The following NSRP1 variants were observed in gnomAD, a reference collection of about 807,000 sequenced individuals.
NSRP1 encodes the protein coiled-coil domain containing 55.
Under a neutral mutation model 54.7 loss-of-function variants are expected in NSRP1, and 24 were observed. That is an observed-to-expected ratio of 0.44 (90% CI 0.32 to 0.62). The LOEUF (loss-of-function observed/expected upper bound fraction) is 0.62. NSRP1 is among the 20% of genes least tolerant of loss of function. The pLI is 0.06. For synonymous variants in NSRP1, 210 were observed against 213.8 expected, an observed-to-expected ratio of 0.98 and a Z score of 0.15; for missense variants, 596 against 651.2, an observed-to-expected ratio of 0.92 and a Z score of 0.92.
At chr17:30,177,351 C>T (rs902361467) in intron 3 of NSRP1, among the ~76,000 whole-genome samples, 2 of 149,380 alleles carry the variant, frequency 1.3e-5, no homozygotes, top group African/African-American at 5.0e-5. Context: ...CCAGCCAGTG[C>T]GACAGAGCGA....
At chr17:30,157,452 G>C (rs533830897) in intron 2 of NSRP1, among the ~76,000 whole-genome samples, 2 of 152,172 alleles carry the variant, frequency 1.3e-5, no homozygotes, top group South Asian at 4.1e-4. Flanking sequence ...TTATATGTTG[G>C]TATCATTTCA....
intron 1 of NSRP1, 198 bp downstream of exon 1, chr17:30,117,061 G>T: frequency 1.3e-6 from 1 of 781,894 alleles, no homozygotes; most frequent in East Asian, 2.5e-5. Context: ...GAAGTTTGAG[G>T]GAGAAACTTG....
intron 2 of NSRP1, among the ~76,000 whole-genome samples, chr17:30,152,183 C>G (rs1004536932): frequency 1.3e-5 from 2 of 151,844 alleles, no homozygotes; most frequent in African/African-American, 2.4e-5. Flanking sequence ...AGTGCAGTGG[C>G]GCGATCTCGG....
At chr17:30,149,055 T>C (rs935839784) in intron 2 of NSRP1, among the ~76,000 whole-genome samples, 1 of 152,202 alleles carries the variant, frequency 6.6e-6, no homozygotes, top group African/African-American at 2.4e-5. Context: ...TCTCACAAGT[T>C]TTGGCATGTA....
chr17:30,159,490 G>T (rs1299521452), intron 2 of NSRP1, among the ~76,000 whole-genome samples: 1 of 152,044 alleles, frequency 6.6e-6, no homozygotes, highest in Non-Finnish European at 1.5e-5. Context: ...CTTTGGCCAG[G>T]ACTTCCAGTA....
chr17:30,181,596 G>GT (rs1479522333), intron 6 of NSRP1, among the ~76,000 whole-genome samples: 1 of 112,868 alleles, frequency 8.9e-6, no homozygotes. Context: ...TTGTGTGTGT[G>GT]GTTTTTTTTT....
At chr17:30,133,601 A>G (rs1319252726) in intron 2 of NSRP1, among the ~76,000 whole-genome samples, 2 of 152,152 alleles carry the variant, frequency 1.3e-5, no homozygotes, top group African/African-American at 4.8e-5. Context: ...TCAGCCTTTG[A>G]AGCTTTGAAG....
rs570098325 is a variant in NSRP1 at position 30,180,840 on chromosome 17, ATGTCTGTAAAAT to A, written c.509-67_509-56del. The A allele has an allele frequency of 3.7e-3, 3,586 of 981,526 alleles. 75 individuals carry two copies. The African/African-American group carries it at 0.051, about 14-fold the overall frequency. 60.8% of individuals were successfully genotyped at this position (981,526 alleles called of 1,614,324 possible). The stretch of plus-strand genomic sequence containing the variant: ...TTACACACTGTATGTTATATACTGT[ATGTCTGTAAAAT>A]GAAACTGCACTGTGCCTTATTGAAT... On this transcript the variant is annotated intron_variant, in intron 5 of 6. Coordinates refer to ENST00000247026, the MANE Select transcript of NSRP1 (RefSeq NM_032141.4).
intron 2 of NSRP1, among the ~76,000 whole-genome samples, chr17:30,147,329 C>A (rs1395473621): frequency 2.0e-5 from 3 of 151,822 alleles, no homozygotes; most frequent in Non-Finnish European, 4.4e-5. Flanking sequence ...GGGGTTTCAC[C>A]ATGTTGGCTA....
At chr17:30,134,609 A>G (rs1359328954) in intron 2 of NSRP1, among the ~76,000 whole-genome samples, 1 of 152,230 alleles carries the variant, frequency 6.6e-6, no homozygotes, top group Non-Finnish European at 1.5e-5. Context: ...TAGGGTGTCA[A>G]GAAGTTAACT....
chr17:30,121,078 G>A (rs1269144094), intron 2 of NSRP1, among the ~76,000 whole-genome samples: 1 of 152,180 alleles, frequency 6.6e-6, no homozygotes, highest in Non-Finnish European at 1.5e-5. Flanking sequence ...GAATAATGTG[G>A]CTGGAGAAGA....
intron 2 of NSRP1, among the ~76,000 whole-genome samples, chr17:30,153,965 C>T (rs553729989): frequency 7.2e-5 from 11 of 152,276 alleles, no homozygotes; most frequent in Middle Eastern, 3.4e-3. Context: ...TTGTATAGCC[C>T]TGCTCTAGAT....
intron 2 of NSRP1, chr17:30,144,194 TTTG>T: frequency 6.6e-6 from 1 of 151,840 alleles, no homozygotes; most frequent in South Asian, 2.1e-4. Flanking sequence ...TGCTGTGGTT[TTTG>T]TTTTTTGTTT....
intron 2 of NSRP1, among the ~76,000 whole-genome samples, chr17:30,157,847 T>A (rs1904363600): frequency 6.6e-6 from 1 of 152,198 alleles, no homozygotes; most frequent in Non-Finnish European, 1.5e-5. Flanking sequence ...ATTATTTCAT[T>A]ATGGCCAAAT....
rs1252343741 is a variant in NSRP1, at chr17:30,185,124, G to T, written c.1127G>T (p.Arg376Ile). The T allele has an allele frequency of 6.2e-7, 1 of 1,610,214 alleles. No homozygotes were observed. The highest frequency in any genetic ancestry group is 1.3e-5 in the African/African-American group (1 of 74,922). The part of the protein sequence containing the change: ...RARDQRERSD[R>I]VWKREKDREK... The stretch of plus-strand genomic sequence containing the variant: ...AGGGACCAAAGAGAAAGAAGTGACA[G>T]AGTATGGAAAAGGGAGAAAGATAGG... The change falls in exon 7 of 7, where the codon AGA (arginine) becomes ATA (isoleucine). Residue 376 changes from arginine (R) to isoleucine (I), a missense_variant. Coordinates refer to ENST00000247026, the MANE Select transcript of NSRP1 (RefSeq NM_032141.4).
At chr17:30,179,945 T>C (rs1905242987) in intron 5 of NSRP1, among the ~76,000 whole-genome samples, 2 of 151,586 alleles carry the variant, frequency 1.3e-5, no homozygotes, top group South Asian at 4.2e-4. Flanking sequence ...CCAGTGATCC[T>C]CCCACCTCAG....
intron 1 of NSRP1, 108 bp from the exon 2 acceptor site, chr17:30,117,972 C>G (rs1260041259): frequency 1.2e-6 from 1 of 867,500 alleles, no homozygotes; most frequent in Non-Finnish European, 1.9e-6. Context: ...GTTCATAAAG[C>G]TTATGACATG....
At position 30,128,023 on chromosome 17, in the gene NSRP1, G is replaced by C. The variant is rs866499969; in HGVS notation, c.114+9850G>C. ...CTAATTTTTTAATTTATTTTTTGTAGAGACAGAGTCTCACTGCGTTGCCTA... is the reference window on the plus strand; with the variant it reads ...CTAATTTTTTAATTTATTTTTTGTACAGACAGAGTCTCACTGCGTTGCCTA... On this transcript the variant is annotated intron_variant, in intron 2 of 6. Coordinates refer to ENST00000247026, the MANE Select transcript of NSRP1 (RefSeq NM_032141.4). 7.2e-5 allele frequency: 28 copies of C among 391,552 alleles called. No homozygotes were observed. The Middle Eastern group carries it at 1.9e-3, about 27-fold the overall frequency. 24.3% of individuals were successfully genotyped at this position (391,552 alleles called of 1,614,324 possible).
At chr17:30,130,400 C>T (rs888443665) in intron 2 of NSRP1, among the ~76,000 whole-genome samples, 7 of 152,056 alleles carry the variant, frequency 4.6e-5, no homozygotes, top group Non-Finnish European at 8.8e-5. Flanking sequence ...TGCCCAGCGT[C>T]CACTAGTCTT....
Sources: allele counts gnomAD v4.1 joint callset (sites outside exome capture counted in the v4.1 genomes callset), GRCh38; gene constraint gnomAD v4.1.1; transcripts MANE v1.5; gene names NCBI Gene and HGNC (gene_info 2026-07-23, HGNC 2026-07-21).